The following DNAH11 variants were observed in gnomAD, a reference collection of about 807,000 sequenced individuals.
DNAH11 encodes axonemal beta dynein heavy chain 11.
In DNAH11, 442 loss-of-function variants were observed where a neutral mutation model predicts 526.0. That is an observed-to-expected ratio of 0.84 (90% CI 0.78 to 0.91). The LOEUF (loss-of-function observed/expected upper bound fraction) is 0.91, where lower values mean the gene tolerates loss of function less well. Among genes scored for constraint, DNAH11 ranks in the 40% least tolerant of loss-of-function variants. The pLI is 0.00. For synonymous variants in DNAH11, 2,461 were observed against 1,935.9 expected (o/e 1.27, Z -7.12); for missense variants, 6,989 against 5,448.7 (o/e 1.28, Z -8.90).
At chr7:21,633,363 T>C (rs1389644311) in intron 25 of DNAH11, among the ~76,000 whole-genome samples, 1 of 152,246 alleles carries the variant, frequency 6.6e-6, no homozygotes, top group African/African-American at 2.4e-5. Context: ...GTTTCTCTCT[T>C]GATTTTCTGT....
chr7:21,896,636 C>T (rs565010564), intron 79 of DNAH11, among the ~76,000 whole-genome samples: 1 of 152,316 alleles, frequency 6.6e-6, no homozygotes, highest in East Asian at 1.9e-4. Flanking sequence ...TCGTATTCTC[C>T]TCATGTCTAC....
intron 72 of DNAH11, among the ~76,000 whole-genome samples, chr7:21,868,447 T>C (rs1027818991): frequency 6.6e-6 from 1 of 152,266 alleles, no homozygotes; most frequent in African/African-American, 2.4e-5. Flanking sequence ...TCAATTTAAA[T>C]GCAGTCTCAC....
chr7:21,811,155 T>C (rs975157264), intron 63 of DNAH11, among the ~76,000 whole-genome samples: 2 of 152,106 alleles, frequency 1.3e-5, no homozygotes, highest in African/African-American at 4.8e-5. Flanking sequence ...TTGTCAATAT[T>C]AGGCTAACTG....
At chr7:21,669,456 C>T (rs550506339) in intron 30 of DNAH11, among the ~76,000 whole-genome samples, 2 of 152,250 alleles carry the variant, frequency 1.3e-5, no homozygotes, top group East Asian at 3.9e-4. Flanking sequence ...AAGGTGTGAG[C>T]CACTGAGCCT....
At chr7:21,718,007 T>G (rs1784729751) in intron 43 of DNAH11, 82 bp downstream of exon 43, 2 of 1,500,140 alleles carry the variant, frequency 1.3e-6, no homozygotes, top group Admixed American at 4.4e-5. Flanking sequence ...GATCTTGCCT[T>G]GCCCAAGAAA....
chr7:21,552,263 G>C (rs1271863584), intron 2 of DNAH11, among the ~76,000 whole-genome samples: 1 of 152,186 alleles, frequency 6.6e-6, no homozygotes, highest in East Asian at 1.9e-4. Context: ...TGGGACCATT[G>C]CAAGGGGTCG....
chr7:21,729,439 C>G (rs1254617788), intron 45 of DNAH11, among the ~76,000 whole-genome samples: 1 of 152,220 alleles, frequency 6.6e-6, no homozygotes, highest in African/African-American at 2.4e-5. Flanking sequence ...TGCGTATGGA[C>G]AAGCTGAGAA....
rs17747439 is a variant in DNAH11 at position 21,641,807 on chromosome 7, G to A, written c.4944+2742G>A. 8.5e-5 allele frequency among the ~76,000 whole-genome samples: 13 copies of A among 152,262 alleles called. No homozygotes were observed. The East Asian group carries it at 2.3e-3, about 27-fold the overall frequency. ...TGTCTCCTCACCTACCCCATTCATA[G>A]CATTTTAACTACGCGTTCTAAATCC... On this transcript the variant is annotated intron_variant, in intron 28 of 81. Coordinates refer to ENST00000409508, the MANE Select transcript of DNAH11 (RefSeq NM_001277115.2).
intron 29 of DNAH11, among the ~76,000 whole-genome samples, chr7:21,656,296 G>T (rs752263435): frequency 1.3e-5 from 2 of 152,292 alleles, no homozygotes; most frequent in Non-Finnish European, 1.5e-5. Context: ...GACTGAGTCT[G>T]CTACAAAGAG....
chr7:21,716,937 C>T (rs1784687143), intron 42 of DNAH11, among the ~76,000 whole-genome samples: 1 of 152,122 alleles, frequency 6.6e-6, no homozygotes, highest in Non-Finnish European at 1.5e-5. Flanking sequence ...TTAATGTCTC[C>T]TGATGCTCAA....
chr7:21,617,974 C>T (rs1277661569), intron 23 of DNAH11, among the ~76,000 whole-genome samples, 197 bp downstream of exon 23: 2 of 152,194 alleles, frequency 1.3e-5, no homozygotes, highest in Non-Finnish European at 2.9e-5. Context: ...CACCCTCCTC[C>T]AGGCTGTCCC....
intron 30 of DNAH11, among the ~76,000 whole-genome samples, chr7:21,680,040 C>T (rs959658588): frequency 2.0e-5 from 3 of 152,152 alleles, no homozygotes; most frequent in African/African-American, 7.2e-5. Context: ...GTGCCTGGAA[C>T]CTTCTTTGTT....
intron 36 of DNAH11, among the ~76,000 whole-genome samples, chr7:21,700,132 A>G (rs1035033646): frequency 2.0e-5 from 3 of 152,346 alleles, no homozygotes; most frequent in African/African-American, 7.2e-5. Context: ...TCCCAAGTCC[A>G]TATAGCTAAC....
At chr7:21,752,530 T>C (rs767137142) in intron 54 of DNAH11, among the ~76,000 whole-genome samples, 2 of 152,332 alleles carry the variant, frequency 1.3e-5, no homozygotes, top group East Asian at 1.9e-4. Flanking sequence ...TCCTATTCTT[T>C]TGTTTGTCTT....
intron 64 of DNAH11, 111 bp from the exon 65 acceptor site, chr7:21,818,106 A>G: frequency 9.3e-7 from 1 of 1,074,284 alleles, no homozygotes; most frequent in African/African-American, 1.6e-5. Context: ...GTTTTCTCTA[A>G]GTTTGTCCCA....
rs770042297 is a variant in DNAH11, at chr7:21,779,044, C to T, written c.9423C>T (p.Ile3141=). The T allele has an allele frequency of 2.9e-5, 47 of 1,613,262 alleles. No homozygotes were observed. In the Admixed American group the frequency reaches 6.5e-4, roughly 22 times the overall value. Residue 3141 remains isoleucine (I), a synonymous_variant, in exon 57 of 82, where the codon ATC becomes ATT. Transcript: ENST00000409508. ...NHDAEALITK[I]GLQTEKVSRE... is the part of the protein sequence containing the mutation. The stretch of plus-strand genomic sequence containing the variant: ...ATGCCGAAGCTCTGATCACAAAGAT[C>T]GGCCTTCAGACGGAGAAAGTGAGCC...
chr7:21,832,426 G>C (rs1260508571), intron 65 of DNAH11, among the ~76,000 whole-genome samples: 2 of 152,182 alleles, frequency 1.3e-5, no homozygotes, highest in African/African-American at 4.8e-5. Flanking sequence ...CGCTTATGAA[G>C]CTTAGTTTGG....
chr7:21,847,981 T>C (rs920113433), intron 66 of DNAH11, among the ~76,000 whole-genome samples: 10 of 151,990 alleles, frequency 6.6e-5, no homozygotes, highest in Admixed American at 2.0e-4. Flanking sequence ...CTGGCTAACA[T>C]GGTGAAACCC....
chr7:21,603,810 A>T (rs550358745), intron 18 of DNAH11, among the ~76,000 whole-genome samples: 1 of 152,330 alleles, frequency 6.6e-6, no homozygotes, highest in Admixed American at 6.5e-5. Flanking sequence ...ACTATATCTC[A>T]TAGAGAAAGT....
Sources: allele counts gnomAD v4.1 joint callset (sites outside exome capture counted in the v4.1 genomes callset), GRCh38; gene constraint gnomAD v4.1.1; transcripts MANE v1.5; gene names NCBI Gene and HGNC (gene_info 2026-07-23, HGNC 2026-07-21).